Variants in PPP6C observed in about 807,000 individuals in gnomAD.
The protein encoded by PPP6C is protein phosphatase 6 catalytic subunit, also known as serine/threonine-protein phosphatase 6 catalytic subunit.
A neutral mutation model predicts 39.8 loss-of-function variants in PPP6C; 11 were observed. The observed-to-expected ratio is 0.28, with a 90% CI of 0.17 to 0.46. The LOEUF is 0.46. Among genes scored for constraint, PPP6C ranks in the 20% least tolerant of loss-of-function variants. The probability of loss-of-function intolerance (pLI) is 1.00; values close to 1 mark genes in which losing one functional copy is unlikely to be tolerated. For synonymous variants in PPP6C, 129 were observed against 130.3 expected, an observed-to-expected ratio of 0.99 and a Z score of 0.07; for missense variants, 211 against 373.9, an observed-to-expected ratio of 0.56 and a Z score of 3.59.
At chr9:125,159,498 T>C (rs1828808043) in intron 3 of PPP6C, among the ~76,000 whole-genome samples, 2 of 151,992 alleles carry the variant, frequency 1.3e-5, no homozygotes, top group African/African-American at 4.8e-5. Context: ...TGTACCACCA[T>C]GCCCAGGTAA....
intron 1 of PPP6C, among the ~76,000 whole-genome samples, chr9:125,173,875 CA>C (rs1177836864): frequency 6.6e-6 from 1 of 152,136 alleles, no homozygotes; most frequent in South Asian, 2.1e-4. Flanking sequence ...CTCGGCCTCC[CA>C]AAGTGCTGGG....
At chr9:125,169,355 G>A (rs1829092374) in intron 2 of PPP6C, among the ~76,000 whole-genome samples, 3 of 152,144 alleles carry the variant, frequency 2.0e-5, no homozygotes, top group African/African-American at 7.2e-5. Flanking sequence ...TTTGACTGAA[G>A]GTATATATAA....
Position 125,148,190 on chromosome 9 carries a change from TG to T in PPP6C, c.*1482del, listed in dbSNP as rs1484170864. On this transcript the variant is annotated 3_prime_UTR_variant, in exon 7 of 7. Transcript: ENST00000373547. ...ATTTTTATTGCATTTTTAGGTAACC[TG>T]GAAGTTCTTATCCTGAAGGGGAAAA... 1 of 163,844 alleles carries T rather than the reference TG, an allele frequency of 6.1e-6. No individual in the cohort carries two copies. The highest frequency in any genetic ancestry group is 1.3e-5 in the Non-Finnish European group (1 of 75,654). The allele number at this position is 163,844 out of a possible 1,614,324, so 10.1% of individuals were successfully genotyped here.
At chr9:125,163,929 C>A (rs574285553) in intron 2 of PPP6C, among the ~76,000 whole-genome samples, 39 of 151,028 alleles carry the variant, frequency 2.6e-4, no homozygotes, top group Admixed American at 6.6e-5. Context: ...CTCACTGCAA[C>A]CTCCACCTCC....
At chr9:125,183,356 T>A (rs960441480) in intron 1 of PPP6C, among the ~76,000 whole-genome samples, 1 of 152,248 alleles carries the variant, frequency 6.6e-6, no homozygotes, top group African/African-American at 2.4e-5. Flanking sequence ...CCTCCATTTA[T>A]GGCAGTGTTT....
At chr9:125,183,046 C>T (rs1829451859) in intron 1 of PPP6C, among the ~76,000 whole-genome samples, 1 of 152,108 alleles carries the variant, frequency 6.6e-6, no homozygotes, top group African/African-American at 2.4e-5. Context: ...AACCAAACTT[C>T]CCGTATTCCT....
chr9:125,163,671 C>T (rs1480750155), intron 2 of PPP6C, among the ~76,000 whole-genome samples: 4 of 151,342 alleles, frequency 2.6e-5, no homozygotes, highest in South Asian at 2.1e-4. Context: ...CCTTGTGATC[C>T]GCCCGCCTCG....
chr9:125,173,572 T>A (rs1052908464), intron 1 of PPP6C, among the ~76,000 whole-genome samples: 1 of 151,080 alleles, frequency 6.6e-6, no homozygotes, highest in East Asian at 2.0e-4. Context: ...GGTGAGACTC[T>A]TTCTCAAAAC....
At chr9:125,156,621 T>C (rs1420362153) in intron 4 of PPP6C, among the ~76,000 whole-genome samples, 1 of 152,132 alleles carries the variant, frequency 6.6e-6, no homozygotes, top group Non-Finnish European at 1.5e-5. Flanking sequence ...AAAATTTAAA[T>C]CTAAAGGGTT....
At chr9:125,169,755 T>G (rs1326692282) in intron 2 of PPP6C, among the ~76,000 whole-genome samples, 1 of 152,142 alleles carries the variant, frequency 6.6e-6, no homozygotes, top group Non-Finnish European at 1.5e-5. Context: ...AGGAAATCAA[T>G]TCCTAAAGTC....
At chr9:125,163,338 T>C (rs1015039636) in intron 2 of PPP6C, among the ~76,000 whole-genome samples, 2 of 152,180 alleles carry the variant, frequency 1.3e-5, no homozygotes, top group Non-Finnish European at 2.9e-5. Context: ...GAAGTGAACA[T>C]TAAAAAGTTT....
chr9:125,165,033 G>A (rs1261904111), intron 2 of PPP6C, among the ~76,000 whole-genome samples: 5 of 151,470 alleles, frequency 3.3e-5, no homozygotes, highest in South Asian at 2.1e-4. Context: ...CACCGCGCCC[G>A]GCTGGGAAGT....
rs2131292038 is a variant in PPP6C at position 125,148,812 on chromosome 9, A to T, written c.*861T>A. On this transcript the variant is annotated 3_prime_UTR_variant, in exon 7 of 7. Transcript: ENST00000373547. ...TATAGAGGATATAAACCAAAACATTAATATGGCAGTTATGTTCTTTAGGCA... is the reference window on the plus strand; with the variant it reads ...TATAGAGGATATAAACCAAAACATTTATATGGCAGTTATGTTCTTTAGGCA... 1 of 152,360 alleles carries T rather than the reference A, an allele frequency of 6.6e-6. No individual in the cohort carries two copies. The highest frequency in any genetic ancestry group is 1.9e-4 in the East Asian group (1 of 5,192). The allele number at this position is 152,360 out of a possible 1,614,324, so 9.4% of individuals were successfully genotyped here. A position where few individuals can be genotyped will look rare whatever the true frequency, so the allele number is the denominator to read the frequency against.
chr9:125,156,085 G>A (rs1419756815), intron 4 of PPP6C, among the ~76,000 whole-genome samples: 2 of 151,844 alleles, frequency 1.3e-5, no homozygotes, highest in African/African-American at 2.4e-5. Context: ...TGATTATTTT[G>A]CAAAAGAATC....
At position 125,160,999 on chromosome 9, in the gene PPP6C, G is replaced by A. The variant is rs868357535; in HGVS notation, c.172-93C>T. On this transcript the variant is annotated intron_variant, in intron 2 of 6. Coordinates refer to ENST00000373547, the MANE Select transcript of PPP6C (RefSeq NM_002721.5). ...GTGAAATGTGTAAAGAAGCAGCTAA[G>A]AGGACTCCAAATATTTACATTTTTA... 65 of 759,998 alleles carry A rather than the reference G, an allele frequency of 8.6e-5. No homozygotes were observed. The Middle Eastern group carries it at 2.7e-3, about 31-fold the overall frequency. 47.1% of individuals were successfully genotyped at this position (759,998 alleles called of 1,614,324 possible). A position where few individuals can be genotyped will look rare whatever the true frequency, so the allele number is the denominator to read the frequency against.
At chr9:125,155,758 A>G (rs1249512828) in intron 4 of PPP6C, among the ~76,000 whole-genome samples, 1 of 152,026 alleles carries the variant, frequency 6.6e-6, no homozygotes, top group Non-Finnish European at 1.5e-5. Context: ...CAAAAAAATT[A>G]GCCGGGCATG....
intron 1 of PPP6C, among the ~76,000 whole-genome samples, chr9:125,177,668 A>T (rs1158924334): frequency 6.6e-6 from 1 of 152,156 alleles, no homozygotes; most frequent in Non-Finnish European, 1.5e-5. Flanking sequence ...ATGAGCATAC[A>T]CTGACATATC....
chr9:125,150,791 A>G, intron 6 of PPP6C: 1 of 721,484 alleles, frequency 1.4e-6, no homozygotes, highest in Non-Finnish European at 2.5e-6. Context: ...GCAAAAGTGT[A>G]CGTGGAAAGG....
chr9:125,162,091 A>T (rs866135928), intron 2 of PPP6C, among the ~76,000 whole-genome samples: 2,268 of 137,732 alleles, frequency 0.016, 103 homozygotes, highest in East Asian at 0.13. Context: ...AAAGTCAGAC[A>T]AAAAAAAAAA....
Sources: gnomAD v4.1 joint callset for allele counts (sites outside exome capture counted in the v4.1 genomes callset) on GRCh38, gnomAD v4.1.1 for gene constraint, MANE v1.5 for transcripts, NCBI Gene and HGNC (gene_info 2026-07-23, HGNC 2026-07-21) for gene names.